The following GMDS variants were observed in gnomAD, a reference collection of about 807,000 sequenced individuals.
GMDS encodes the protein GDP-mannose 4,6 dehydratase.
In GMDS, 20 loss-of-function variants were observed where a neutral mutation model predicts 49.9. The ratio of observed to expected loss-of-function variants is 0.40; its 90% CI spans 0.28 to 0.58. The LOEUF is 0.58. Among genes scored for constraint, GMDS ranks in the 20% least tolerant of loss-of-function variants. GMDS has a pLI of 0.42. For missense variants in GMDS, 362 were observed against 481.4 expected, an observed-to-expected ratio of 0.75 and a Z score of 2.32; for synonymous variants, 177 against 178.6, an observed-to-expected ratio of 0.99 and a Z score of 0.07.
chr6:1,948,403 T>A (rs1404038099), intron 6 of GMDS, among the ~76,000 whole-genome samples: 1 of 152,218 alleles, frequency 6.6e-6, no homozygotes, highest in African/African-American at 2.4e-5. Context: ...CAAAGTAAAG[T>A]AAGGTTTTCT....
At chr6:1,691,492 A>C (rs1053853853) in intron 9 of GMDS, among the ~76,000 whole-genome samples, 1 of 152,190 alleles carries the variant, frequency 6.6e-6, no homozygotes, top group South Asian at 2.1e-4. Flanking sequence ...CACATCCTGC[A>C]CATGGTCCCC....
At chr6:2,108,073 A>G (rs756275638) in intron 4 of GMDS, among the ~76,000 whole-genome samples, 2 of 152,232 alleles carry the variant, frequency 1.3e-5, no homozygotes, top group Admixed American at 6.5e-5. Flanking sequence ...ACTAAGCAAA[A>G]TAAGTTATCT....
intron 7 of GMDS, among the ~76,000 whole-genome samples, chr6:1,874,298 G>A (rs1369787532): frequency 1.3e-5 from 2 of 152,182 alleles, no homozygotes; most frequent in Non-Finnish European, 2.9e-5. Context: ...CGGTGGAGAA[G>A]TGAACATTTA....
chr6:2,170,733 C>G (rs1048856445), intron 1 of GMDS, among the ~76,000 whole-genome samples: 1 of 152,114 alleles, frequency 6.6e-6, no homozygotes, highest in African/African-American at 2.4e-5. Flanking sequence ...CGGTGGTTCA[C>G]GCCTGTAATC....
intron 9 of GMDS, among the ~76,000 whole-genome samples, chr6:1,673,072 C>A (rs1011373734): frequency 1.3e-5 from 2 of 152,200 alleles, no homozygotes; most frequent in Non-Finnish European, 2.9e-5. Flanking sequence ...TCCAGCAGGC[C>A]CACCAGTGGC....
chr6:1,930,000 T>C (rs186480711), intron 7 of GMDS, 103 bp downstream of exon 7: 2 of 1,041,628 alleles, frequency 1.9e-6, no homozygotes. Flanking sequence ...TGGCAAAGGT[T>C]TGTATGCCCC....
rs1289517755 is a variant in GMDS at position 1,986,363 on chromosome 6, C to T, written c.346-25397G>A. 2.6e-5 allele frequency among the ~76,000 whole-genome samples: 4 copies of T among 152,184 alleles called. No homozygotes were observed. The South Asian group carries it at 6.2e-4, about 24-fold the overall frequency. On this transcript the variant is annotated intron_variant, in intron 4 of 10. Coordinates refer to ENST00000380815, the MANE Select transcript of GMDS (RefSeq NM_001500.4). The stretch of plus-strand genomic sequence containing the variant: ...CTTCCCTCAATGCTGGAGGCTGATA[C>T]GTGGTACAACGGCAGGGAAAAAACT...
intron 1 of GMDS, among the ~76,000 whole-genome samples, chr6:2,149,192 GA>G (rs554599601): frequency 1.3e-5 from 2 of 150,852 alleles, no homozygotes; most frequent in African/African-American, 4.9e-5. Context: ...TTAGCTCACA[GA>G]AAAAAAAGGT....
At chr6:1,933,489 A>G (rs1223346838) in intron 6 of GMDS, among the ~76,000 whole-genome samples, 3 of 152,256 alleles carry the variant, frequency 2.0e-5, no homozygotes, top group Non-Finnish European at 4.4e-5. Flanking sequence ...TCCCACCAGC[A>G]GGGTAACAGG....
chr6:1,879,845 C>T (rs1258637902), intron 7 of GMDS, among the ~76,000 whole-genome samples: 1 of 152,074 alleles, frequency 6.6e-6, no homozygotes, highest in Non-Finnish European at 1.5e-5. Context: ...ATAGTACAGC[C>T]TTTCTAGGAT....
At chr6:1,724,423 C>G (rs768553179) in intron 9 of GMDS, among the ~76,000 whole-genome samples, 28 of 152,142 alleles carry the variant, frequency 1.8e-4, no homozygotes, top group Non-Finnish European at 3.2e-4. Flanking sequence ...TTTTCCTGTT[C>G]AGTGAATTCT....
intron 7 of GMDS, among the ~76,000 whole-genome samples, chr6:1,795,601 A>G (rs1769707952): frequency 6.6e-6 from 1 of 152,204 alleles, no homozygotes; most frequent in African/African-American, 2.4e-5. Context: ...TAATCAAACA[A>G]TGAGAAATGG....
chr6:1,688,686 C>T (rs968395874), intron 9 of GMDS, among the ~76,000 whole-genome samples: 6 of 152,126 alleles, frequency 3.9e-5, no homozygotes, highest in East Asian at 3.9e-4. Flanking sequence ...TTATGTTAAA[C>T]GTATTTCTGT....
rs750660682 is a variant in GMDS, at chr6:1,914,077, A to G, written c.771+16026T>C. Among the ~76,000 whole-genome samples the G allele has an allele frequency of 6.2e-5, 9 of 144,344 alleles. No homozygotes were observed. In the South Asian group the frequency reaches 1.1e-3, roughly 18 times the overall value. 94.7% of individuals were successfully genotyped at this position (144,344 alleles called of 152,430 possible). On this transcript the variant is annotated intron_variant, in intron 7 of 10. Transcript: ENST00000380815. Reference sequence around the variant, plus strand: ...AACTGTGGGAGCCAAAAGCCAGCATATGATTTGTGTTACATAGAACGTGTG... The same window carrying G: ...AACTGTGGGAGCCAAAAGCCAGCATGTGATTTGTGTTACATAGAACGTGTG...
At chr6:1,756,788 T>C (rs1426101371) in intron 7 of GMDS, among the ~76,000 whole-genome samples, 1 of 152,212 alleles carries the variant, frequency 6.6e-6, no homozygotes, top group Non-Finnish European at 1.5e-5. Context: ...ACATTGTTCA[T>C]TAGTCTAGAC....
intron 6 of GMDS, among the ~76,000 whole-genome samples, chr6:1,951,065 C>G (rs1241982583): frequency 6.6e-6 from 1 of 152,096 alleles, no homozygotes; most frequent in African/African-American, 2.4e-5. Context: ...GCCACTCTCT[C>G]CCCATTCCCC....
At chr6:1,916,706 C>A (rs1761422095) in intron 7 of GMDS, among the ~76,000 whole-genome samples, 1 of 152,116 alleles carries the variant, frequency 6.6e-6, no homozygotes, top group South Asian at 2.1e-4. Context: ...ATTAAACAAG[C>A]AAACCCACAA....
chr6:1,921,251 T>C (rs1392611055), intron 7 of GMDS, among the ~76,000 whole-genome samples: 1 of 152,272 alleles, frequency 6.6e-6, no homozygotes, highest in Non-Finnish European at 1.5e-5. Context: ...CAATTTTATG[T>C]GGTTTAAATC....
At chr6:2,216,961 C>T (rs72830180) in intron 1 of GMDS, among the ~76,000 whole-genome samples, 1 of 152,246 alleles carries the variant, frequency 6.6e-6, no homozygotes, top group Non-Finnish European at 1.5e-5. Flanking sequence ...GGACACTTCC[C>T]CGAGACTTGG....
Sources: allele counts gnomAD v4.1 joint callset (sites outside exome capture counted in the v4.1 genomes callset), GRCh38; gene constraint gnomAD v4.1.1; transcripts MANE v1.5; gene names NCBI Gene and HGNC (gene_info 2026-07-23, HGNC 2026-07-21).